The following ARL6 variants were observed in gnomAD, a reference collection of about 807,000 sequenced individuals.
ARL6 encodes ARF like GTPase 6.
In ARL6, 18 loss-of-function variants were observed where a neutral mutation model predicts 27.1. That is an observed-to-expected ratio of 0.66 (90% CI 0.46 to 0.98). The LOEUF is 0.98. Ranked by LOEUF, ARL6 falls within the 50% of genes least tolerant of loss-of-function variation. ARL6 has a pLI of 0.00. For synonymous variants in ARL6, 65 were observed against 72.3 expected, an observed-to-expected ratio of 0.90 and a Z score of 0.51; for missense variants, 187 against 214.9, an observed-to-expected ratio of 0.87 and a Z score of 0.81.
At chr3:97,776,665 T>TA (rs951584191) in intron 2 of ARL6, among the ~76,000 whole-genome samples, 57 of 151,914 alleles carry the variant, frequency 3.8e-4, no homozygotes, top group Middle Eastern at 3.4e-3. Flanking sequence ...TTTATTTATT[T>TA]TTTTTTTTTG....
At chr3:97,791,521 T>C (rs181373772) in intron 6 of ARL6, among the ~76,000 whole-genome samples, 508 of 152,362 alleles carry the variant, frequency 3.3e-3, no homozygotes, top group African/African-American at 0.012. Context: ...TTTGTTAATG[T>C]CAGTGTAAGA....
chr3:97,774,412 A>G (rs941229472), intron 2 of ARL6, among the ~76,000 whole-genome samples: 2 of 151,982 alleles, frequency 1.3e-5, no homozygotes, highest in African/African-American at 2.4e-5. Flanking sequence ...TTGCCTGGCA[A>G]CTGCCTCAGG....
chr3:97,781,554 A>T (rs1460734580), intron 4 of ARL6, among the ~76,000 whole-genome samples: 2 of 152,096 alleles, frequency 1.3e-5, no homozygotes, highest in Admixed American at 6.6e-5. Flanking sequence ...GTTATAAGCA[A>T]ATACTAAGCC....
At chr3:97,767,116 T>G (rs2036418518) in intron 1 of ARL6, among the ~76,000 whole-genome samples, 1 of 151,544 alleles carries the variant, frequency 6.6e-6, no homozygotes. Flanking sequence ...TTGCTGATAG[T>G]TTTTTTTTAA....
At chr3:97,788,877 A>G (rs1459847310) in intron 6 of ARL6, among the ~76,000 whole-genome samples, 1 of 152,148 alleles carries the variant, frequency 6.6e-6, no homozygotes, top group Non-Finnish European at 1.5e-5. Context: ...TACGACTACC[A>G]TCTTAAACTC....
At chr3:97,779,638 G>C (rs575229317) in intron 2 of ARL6, among the ~76,000 whole-genome samples, 1 of 152,042 alleles carries the variant, frequency 6.6e-6, no homozygotes, top group Admixed American at 6.6e-5. Context: ...AGCCCAGGGC[G>C]GGCAGATCAC....
At chr3:97,772,268 C>T (rs80277887) in intron 2 of ARL6, among the ~76,000 whole-genome samples, 23 of 152,042 alleles carry the variant, frequency 1.5e-4, no homozygotes, top group Admixed American at 6.6e-4. Context: ...TGAATGTGTC[C>T]GGCAATTTAT....
chr3:97,798,375 AT>A lies in ARL6; in HGVS notation c.*332del, dbSNP rs1230920734. On this transcript the variant is annotated 3_prime_UTR_variant, in exon 8 of 8. Coordinates refer to ENST00000463745, the MANE Select transcript of ARL6 (RefSeq NM_001278293.3). The stretch of plus-strand genomic sequence containing the variant: ...ATTTATGATATGTTTAATATATTTT[AT>A]TTTTTAATTGTCTTTTTAAAAAATT... The A allele has an allele frequency of 1.7e-5, 3 of 181,444 alleles. No homozygotes were observed. Among genetic ancestry groups the A allele is most frequent in the African/African-American group, 7.1e-5 (3 of 42,490 alleles). The allele number at this position is 181,444 out of a possible 1,614,324, so 11.2% of individuals were successfully genotyped here. A position where few individuals can be genotyped will look rare whatever the true frequency, so the allele number is the denominator to read the frequency against.
Position 97,787,977 on chromosome 3 carries a change from T to C in ARL6, c.350-13T>C. ...AGCTGGAAGTGTGATGATAATCTTA[T>C]TTTCTCTTTTAGATATTAAACACCG... On this transcript the variant is annotated splice_polypyrimidine_tract_variant and intron_variant, in intron 5 of 7. Coordinates refer to ENST00000463745, the MANE Select transcript of ARL6 (RefSeq NM_001278293.3). 1 of 1,612,992 alleles carries C rather than the reference T, an allele frequency of 6.2e-7. No individual in the cohort carries two copies. The highest frequency in any genetic ancestry group is 8.5e-7 in the Non-Finnish European group (1 of 1,179,320).
chr3:97,790,051 TTGTGTGTGTGTGTGTGTGTGTGTGTGTG>T (rs3058067), intron 6 of ARL6, among the ~76,000 whole-genome samples: 1 of 137,072 alleles, frequency 7.3e-6, no homozygotes, highest in African/African-American at 2.7e-5. Context: ...GGCATCATGA[TTGTGTGTGTGTGTGTGTGTGTGTGTGTG>T]TGTGTGTGTG....
chr3:97,780,886 G>A (rs1306091048), intron 4 of ARL6, among the ~76,000 whole-genome samples: 1 of 151,906 alleles, frequency 6.6e-6, no homozygotes, highest in Non-Finnish European at 1.5e-5. Flanking sequence ...GCCTTTGCAT[G>A]TACTATTCTC....
chr3:97,780,756 A>G (rs2037153987), intron 4 of ARL6, 73 bp downstream of exon 4: 3 of 1,223,144 alleles, frequency 2.5e-6, no homozygotes, highest in Non-Finnish European at 3.6e-6. Flanking sequence ...CCAAAGAATT[A>G]TATGGCTAGG....
intron 2 of ARL6, among the ~76,000 whole-genome samples, chr3:97,769,416 CA>C (rs2036538182): frequency 1.3e-5 from 2 of 151,938 alleles, no homozygotes; most frequent in African/African-American, 4.8e-5. Context: ...GTTTTTATAT[CA>C]TTTTTTATTG....
chr3:97,782,725 T>C (rs1412621497), intron 4 of ARL6, among the ~76,000 whole-genome samples: 2 of 151,568 alleles, frequency 1.3e-5, no homozygotes, highest in African/African-American at 2.4e-5. Flanking sequence ...AAAATATACA[T>C]AGAAGGTTGT....
intron 4 of ARL6, among the ~76,000 whole-genome samples, 184 bp from the exon 5 acceptor site, chr3:97,784,771 A>G (rs960627362): frequency 6.6e-6 from 1 of 151,982 alleles, no homozygotes; most frequent in Admixed American, 6.6e-5. Context: ...TACATGAAAT[A>G]TGACTAATGA....
In ARL6 at chr3:97,800,407, C is replaced by T. The variant is rs1313323722; in HGVS notation, c.*2358C>T. 1.3e-5 allele frequency: 2 copies of T among 152,144 alleles called. No homozygotes were observed. Among genetic ancestry groups the T allele is most frequent in the African/African-American group, 4.8e-5 (2 of 41,452 alleles). The allele number at this position is 152,144 out of a possible 1,614,324, so 9.4% of individuals were successfully genotyped here. On this transcript the variant is annotated 3_prime_UTR_variant, in exon 8 of 8. Coordinates refer to ENST00000463745, the MANE Select transcript of ARL6 (RefSeq NM_001278293.3). Reference sequence around the variant, plus strand: ...TTCATGTCTAGACATCAGTGTGTTACAGAGTTTAATTCATTAAGCTCTGTA... The same window carrying T: ...TTCATGTCTAGACATCAGTGTGTTATAGAGTTTAATTCATTAAGCTCTGTA...
At chr3:97,770,754 A>G (rs1038953998) in intron 2 of ARL6, among the ~76,000 whole-genome samples, 1 of 152,082 alleles carries the variant, frequency 6.6e-6, no homozygotes, top group Non-Finnish European at 1.5e-5. Context: ...GTGTTTATCC[A>G]GTGTTCCAGC....
At chr3:97,784,379 T>C (rs2037344264) in intron 4 of ARL6, among the ~76,000 whole-genome samples, 1 of 151,814 alleles carries the variant, frequency 6.6e-6, no homozygotes, top group Non-Finnish European at 1.5e-5. Flanking sequence ...AAAATACATC[T>C]ATATATACCT....
chr3:97,797,994 T>G (rs1344338849), intron 7 of ARL6, 30 bp from the exon 8 acceptor site: 1 of 1,608,512 alleles, frequency 6.2e-7, no homozygotes, highest in Admixed American at 1.7e-5. Context: ...CTATAGAGAT[T>G]GATAATTTTT....
Sources: allele counts gnomAD v4.1 joint callset (sites outside exome capture counted in the v4.1 genomes callset), GRCh38; gene constraint gnomAD v4.1.1; transcripts MANE v1.5; gene names NCBI Gene and HGNC (gene_info 2026-07-23, HGNC 2026-07-21).